BCL11B: variants seen among roughly 807,000 people sequenced by gnomAD.
BCL11B encodes B-cell lymphoma/leukemia 11B.
Under a neutral mutation model 49.9 loss-of-function variants are expected in BCL11B, and 8 were observed. That is an observed-to-expected ratio of 0.16 (90% CI 0.09 to 0.29). The LOEUF (loss-of-function observed/expected upper bound fraction) is 0.29. Ranked by LOEUF, BCL11B falls within the 10% of genes least tolerant of loss-of-function variation. The pLI, the probability that BCL11B is intolerant of heterozygous loss-of-function variation, is 1.00. For missense variants in BCL11B, 1,006 were observed against 1,351.0 expected, an observed-to-expected ratio of 0.74 and a Z score of 4.00; for synonymous variants, 739 against 637.4, an observed-to-expected ratio of 1.16 and a Z score of -2.40.
intron 2 of BCL11B, among the ~76,000 whole-genome samples, chr14:99,255,874 G>A (rs1333515605): frequency 2.6e-5 from 4 of 152,202 alleles, no homozygotes; most frequent in African/African-American, 7.2e-5. Context: ...AAAGCCCCTT[G>A]CATCTTGGAA....
intron 2 of BCL11B, among the ~76,000 whole-genome samples, chr14:99,240,437 C>T (rs1888628689): frequency 1.3e-5 from 2 of 152,134 alleles, no homozygotes; most frequent in South Asian, 2.1e-4. Flanking sequence ...CTTTGCATTA[C>T]ATAAGAACAA....
At chr14:99,256,518 T>G (rs1467465434) in intron 2 of BCL11B, among the ~76,000 whole-genome samples, 2 of 152,138 alleles carry the variant, frequency 1.3e-5, no homozygotes, top group Non-Finnish European at 2.9e-5. Context: ...GCTGCTGCTT[T>G]TTAGGGAACC....
intron 3 of BCL11B, among the ~76,000 whole-genome samples, chr14:99,181,702 G>A (rs1353986570): frequency 6.6e-6 from 1 of 152,200 alleles, no homozygotes; most frequent in Non-Finnish European, 1.5e-5. Context: ...GCGAGCAAGC[G>A]AGCCTGCGGG....
Position 99,257,320 on chromosome 14 carries a change from G to A in BCL11B, c.427+151C>T, listed in dbSNP as rs1180309314. 9.2e-7 allele frequency: 1 copy of A among 1,088,152 alleles called. No individual in the cohort carries two copies. Among genetic ancestry groups the A allele is most frequent in the African/African-American group, 1.6e-5 (1 of 62,896 alleles). The allele number at this position is 1,088,152 out of a possible 1,614,324, so 67.4% of individuals were successfully genotyped here. ...TCTCCTCCTGAAGGTCACCTGGATG[G>A]TGGACCCTCAGAAAGGGGGAGCCCC... On this transcript the variant is annotated intron_variant, in intron 2 of 3. Coordinates refer to ENST00000357195, the MANE Select transcript of BCL11B (RefSeq NM_138576.4). This position sits in a 1 kb window ranked among gnomAD's most constrained non-coding sequence, Gnocchi z 6.2.
chr14:99,181,201 C>T (rs1457982842), intron 3 of BCL11B, among the ~76,000 whole-genome samples: 2 of 152,196 alleles, frequency 1.3e-5, no homozygotes, highest in African/African-American at 4.8e-5. Context: ...GACACCCTCT[C>T]GACTCAAGCA....
intron 3 of BCL11B, among the ~76,000 whole-genome samples, chr14:99,183,377 G>A (rs1000360054): frequency 2.0e-5 from 3 of 152,138 alleles, no homozygotes; most frequent in Admixed American, 2.0e-4. Context: ...GACAGGGACT[G>A]CGCTGGTCTT....
intron 2 of BCL11B, among the ~76,000 whole-genome samples, chr14:99,238,366 G>A (rs1321670734): frequency 6.6e-6 from 1 of 152,184 alleles, no homozygotes; most frequent in Non-Finnish European, 1.5e-5. Context: ...CCCTTCCCCA[G>A]GTCCAAAAGC....
chr14:99,242,266 T>C lies in BCL11B; in HGVS notation c.428-10709A>G, dbSNP rs1296298588. ...CCAGTTCATACAGACAATATTTACA[T>C]GGGCGTTGCATGATCTTGTCCCCCT... On this transcript the variant is annotated intron_variant, in intron 2 of 3. Coordinates refer to ENST00000357195, the MANE Select transcript of BCL11B (RefSeq NM_138576.4). The surrounding 1 kb of genome is among the most constrained non-coding windows in gnomAD (Gnocchi z 4.4). 1.3e-5 allele frequency among the ~76,000 whole-genome samples: 2 copies of C among 152,214 alleles called. No individual in the cohort carries two copies. The highest frequency in any genetic ancestry group is 2.9e-5 in the Non-Finnish European group (2 of 68,032).
At chr14:99,218,450 C>T (rs1298382593) in intron 3 of BCL11B, among the ~76,000 whole-genome samples, 2 of 151,982 alleles carry the variant, frequency 1.3e-5, no homozygotes, top group African/African-American at 4.8e-5. Context: ...GGGGGCAGAG[C>T]TGGGGGCCAC....
chr14:99,229,139 G>C (rs1361659757), intron 3 of BCL11B, among the ~76,000 whole-genome samples: 1 of 151,950 alleles, frequency 6.6e-6, no homozygotes, highest in African/African-American at 2.4e-5. Context: ...TGGATGGATG[G>C]ATGGATGGAT....
Position 99,205,010 on chromosome 14 carries a change from C to T in BCL11B, c.640+26335G>A, listed in dbSNP as rs940871696. Among the ~76,000 whole-genome samples, 1 of 152,172 alleles carries T rather than the reference C, an allele frequency of 6.6e-6. No individual in the cohort carries two copies. Among genetic ancestry groups the T allele is most frequent in the Non-Finnish European group, 1.5e-5 (1 of 68,018 alleles). Reference sequence around the variant, plus strand: ...CCCCCTGTCCTTGGATGGAGGGGTACCTGGGACAGGACAGGCGGACCAGGT... The same window carrying T: ...CCCCCTGTCCTTGGATGGAGGGGTATCTGGGACAGGACAGGCGGACCAGGT... On this transcript the variant is annotated intron_variant, in intron 3 of 3. Transcript: ENST00000357195. This position sits in a 1 kb window ranked among gnomAD's most constrained non-coding sequence, Gnocchi z 5.0.
intron 3 of BCL11B, among the ~76,000 whole-genome samples, chr14:99,193,766 G>A (rs2139803211): frequency 6.6e-6 from 1 of 152,338 alleles, no homozygotes; most frequent in African/African-American, 2.4e-5. Flanking sequence ...GGGTTTGATA[G>A]CACCTCTTTT....
rs1236098562 is a variant in BCL11B at position 99,175,056 on chromosome 14, C to A, written c.1780G>T (p.Val594Leu). The change falls in exon 4 of 4, where the codon GTG becomes TTG. Residue 594 changes from valine (V) to leucine (L), a missense_variant. Val to Leu is a conservative substitution (Grantham distance 32). This residue lies in a region of BCL11B where 443 missense variants were observed against 499.7 expected (regional missense o/e 0.89). Coordinates refer to ENST00000357195, the MANE Select transcript of BCL11B (RefSeq NM_138576.4). ...ACGTTCTCCATGACCTTGCCCAGCA[C>A]CAGCGCCTTCTCGTCAGCCAGCGCC... ...AKALADEKAL[V>L]LGKVMENVGL... is the part of the protein sequence containing the mutation. The A allele has an allele frequency of 1.3e-6, 2 of 1,599,414 alleles. No homozygotes were observed. The highest frequency in any genetic ancestry group is 1.1e-5 in the South Asian group (1 of 91,006).
chr14:99,260,074 G>T lies in BCL11B; in HGVS notation c.59-2235C>A, dbSNP rs187863618. On this transcript the variant is annotated intron_variant, in intron 1 of 3. Coordinates refer to ENST00000357195, the MANE Select transcript of BCL11B (RefSeq NM_138576.4). The stretch of plus-strand genomic sequence containing the variant: ...TTAGAAATATAAGGATGTATTGTGC[G>T]CCATTTTTACAGAAGGTGCTCTAAT... Among the ~76,000 whole-genome samples, 174 of 152,280 alleles carry T rather than the reference G, an allele frequency of 1.1e-3. 1 individual carries two copies. Among genetic ancestry groups the T allele is most frequent in the Non-Finnish European group, 2.6e-4 (18 of 68,022 alleles).
chr14:99,246,690 C>T (rs1175313424), intron 2 of BCL11B, among the ~76,000 whole-genome samples: 1 of 149,516 alleles, frequency 6.7e-6, no homozygotes, highest in African/African-American at 2.5e-5. Context: ...GGGCTATGGA[C>T]CCCAACCATT....
chr14:99,230,089 C>T (rs1223199413), intron 3 of BCL11B, among the ~76,000 whole-genome samples: 1 of 152,158 alleles, frequency 6.6e-6, no homozygotes, highest in Non-Finnish European at 1.5e-5. Flanking sequence ...ATGATGTCAC[C>T]ACCTGTCACA....
chr14:99,209,236 A>C (rs1257955187), intron 3 of BCL11B, among the ~76,000 whole-genome samples: 4 of 152,110 alleles, frequency 2.6e-5, no homozygotes, highest in African/African-American at 9.7e-5. Context: ...TCTGAAGGGA[A>C]AGGGCGATAG....
chr14:99,261,538 A>G (rs1379704843), intron 1 of BCL11B, among the ~76,000 whole-genome samples: 2 of 152,120 alleles, frequency 1.3e-5, no homozygotes, highest in South Asian at 2.1e-4. Flanking sequence ...AAAAAGACCA[A>G]TGAAAACAGT....
At chr14:99,212,127 A>G (rs1887705456) in intron 3 of BCL11B, among the ~76,000 whole-genome samples, 1 of 152,094 alleles carries the variant, frequency 6.6e-6, no homozygotes, top group Admixed American at 6.6e-5. Flanking sequence ...CCATCAACCC[A>G]AGCAACTGCT....
Sources: gnomAD v4.1 joint callset for allele counts (sites outside exome capture counted in the v4.1 genomes callset) on GRCh38, gnomAD v4.1.1 for gene constraint, gnomAD v4.1.1 regional missense constraint, Gnocchi (gnomAD v3.1) non-coding constraint, MANE v1.5 for transcripts, NCBI Gene and HGNC (gene_info 2026-07-23, HGNC 2026-07-21) for gene names.